EFCAB13: variants seen among roughly 807,000 people sequenced by gnomAD.
The protein encoded by EFCAB13 is EF-hand calcium-binding domain-containing protein 13.
A neutral mutation model predicts 110.2 loss-of-function variants in EFCAB13; 91 were observed. That is an observed-to-expected ratio of 0.83 (90% CI 0.70 to 0.98). The LOEUF (loss-of-function observed/expected upper bound fraction) is 0.98. EFCAB13 is among the 50% of genes least tolerant of loss of function. The probability of loss-of-function intolerance (pLI) is 0.00; values close to 1 mark genes in which losing one functional copy is unlikely to be tolerated. For missense variants in EFCAB13, 968 were observed against 1,119.4 expected (o/e 0.86, Z 1.93); for synonymous variants, 323 against 369.9 (o/e 0.87, Z 1.45).
intron 24 of EFCAB13, among the ~76,000 whole-genome samples, chr17:47,437,519 C>A (rs1598771279): frequency 6.6e-6 from 1 of 152,242 alleles, no homozygotes; most frequent in East Asian, 1.9e-4. Flanking sequence ...TAATGTCCTT[C>A]TTTGTCTCTT....
intron 19 of EFCAB13, 137 bp from the exon 20 acceptor site, chr17:47,404,425 G>T: frequency 1.6e-6 from 1 of 636,936 alleles, no homozygotes; most frequent in Non-Finnish European, 2.6e-6. Flanking sequence ...AGGCTTAATG[G>T]ATGAAAATGA....
chr17:47,378,011 A>ATG (rs2065625884), intron 13 of EFCAB13, 108 bp downstream of exon 13: 1 of 1,043,750 alleles, frequency 9.6e-7, no homozygotes, highest in African/African-American at 1.7e-5. Context: ...ATGGGACAGA[A>ATG]TGGGTCATTC....
chr17:47,390,275 AACAATATTCACAC>A (rs1041235224), intron 14 of EFCAB13, among the ~76,000 whole-genome samples: 1 of 152,116 alleles, frequency 6.6e-6, no homozygotes, highest in Non-Finnish European at 1.5e-5. Flanking sequence ...AATATACACA[AACAATATTCACAC>A]ACAATATACA....
chr17:47,435,926 A>G (rs9900366), intron 24 of EFCAB13, among the ~76,000 whole-genome samples: 78,572 of 151,880 alleles, frequency 0.52, 20,820 homozygotes, highest in Middle Eastern at 0.56. Flanking sequence ...TGGGTTTGTC[A>G]TAGATGGCTT....
chr17:47,398,815 C>T (rs941158136), intron 17 of EFCAB13, among the ~76,000 whole-genome samples: 1 of 151,276 alleles, frequency 6.6e-6, no homozygotes, highest in Non-Finnish European at 1.5e-5. Flanking sequence ...CGTGCCAAAT[C>T]CCCCTCTGCG....
intron 24 of EFCAB13, among the ~76,000 whole-genome samples, chr17:47,433,357 G>A (rs565760084): frequency 4.6e-5 from 7 of 151,970 alleles, no homozygotes; most frequent in East Asian, 3.9e-4. Flanking sequence ...TTTTTTCGTC[G>A]TAAAGTTACT....
chr17:47,357,482 C>T (rs2065487527), intron 9 of EFCAB13, among the ~76,000 whole-genome samples: 2 of 152,196 alleles, frequency 1.3e-5, no homozygotes, highest in South Asian at 4.1e-4. Flanking sequence ...ATGGCGCGAT[C>T]TCGCTCACTG....
intron 6 of EFCAB13, 28 bp downstream of exon 6, chr17:47,342,060 T>C (rs1409275285): frequency 3.0e-6 from 4 of 1,334,722 alleles, no homozygotes; most frequent in Non-Finnish European, 4.2e-6. Context: ...AATTTTTCTT[T>C]TACCTTCAAA....
chr17:47,329,597 AAT>A (rs1410638040), intron 4 of EFCAB13, among the ~76,000 whole-genome samples: 10 of 152,172 alleles, frequency 6.6e-5, no homozygotes, highest in African/African-American at 9.7e-5. Flanking sequence ...CTTAAAAATT[AAT>A]ATTAAAGTAT....
chr17:47,342,167 T>G, intron 6 of EFCAB13, 135 bp downstream of exon 6: 3 of 534,190 alleles, frequency 5.6e-6, no homozygotes, highest in African/African-American at 2.0e-5. Context: ...GCTTCTCCTC[T>G]TCTGTTCTTA....
chr17:47,401,640 CTTTTTTTTT>C (rs763737651), intron 17 of EFCAB13, among the ~76,000 whole-genome samples: 1 of 84,524 alleles, frequency 1.2e-5, no homozygotes, highest in African/African-American at 4.8e-5. Context: ...CTCAGCCTGA[CTTTTTTTTT>C]TTTTTTTTTT....
chr17:47,432,779 A>G (rs1905142929), intron 24 of EFCAB13, among the ~76,000 whole-genome samples: 1 of 151,852 alleles, frequency 6.6e-6, no homozygotes, highest in Non-Finnish European at 1.5e-5. Context: ...TATATTTTAG[A>G]TGTATCTCAT....
chr17:47,420,598 C>T (rs1456322256), intron 23 of EFCAB13, among the ~76,000 whole-genome samples: 4 of 152,174 alleles, frequency 2.6e-5, no homozygotes, highest in Admixed American at 6.5e-5. Flanking sequence ...TCTGCCCCGC[C>T]GCCCCATCTG....
At position 47,404,003 on chromosome 17, in the gene EFCAB13, C is replaced by T. The variant is rs773799115; in HGVS notation, c.2143C>T (p.Gln715Ter). Residue 715 changes from glutamine to a stop codon, truncating the protein, a stop_gained, in exon 19 of 25, where the codon CAA becomes TAA. Transcript: ENST00000331493. LOFTEE classifies it high-confidence loss of function. Reference protein sequence around the residue: ...SPKEEVEKILQSDFVSEDNMV... With the variant: ...SPKEEVEKIL ...TAAAGAAGAGGTAGAGAAAATTCTT[C>T]AATCAGATTTTGTTTCTGGTAAGCA... 3.8e-6 allele frequency: 6 copies of T among 1,591,094 alleles called. No homozygotes were observed. The South Asian group carries it at 7.0e-5, about 18-fold the overall frequency.
intron 9 of EFCAB13, among the ~76,000 whole-genome samples, 198 bp from the exon 10 acceptor site, chr17:47,361,180 C>G (rs184977052): frequency 6.6e-6 from 1 of 152,150 alleles, no homozygotes; most frequent in African/African-American, 2.4e-5. Flanking sequence ...TATGAAATTC[C>G]TATGGAGAAA....
chr17:47,331,191 T>C (rs530924500), intron 4 of EFCAB13, among the ~76,000 whole-genome samples: 2 of 152,210 alleles, frequency 1.3e-5, no homozygotes, highest in East Asian at 1.9e-4. Flanking sequence ...GGATGTATAG[T>C]TTGCAAATAT....
At chr17:47,361,325 CT>C in intron 9 of EFCAB13, 52 bp from the exon 10 acceptor site, 6 of 1,582,786 alleles carry the variant, frequency 3.8e-6, no homozygotes, top group Non-Finnish European at 5.2e-6. Context: ...AAATCAACTG[CT>C]TTTCCAAGAA....
intron 21 of EFCAB13, among the ~76,000 whole-genome samples, chr17:47,411,964 A>G (rs1432230435): frequency 6.6e-6 from 1 of 152,122 alleles, no homozygotes; most frequent in Non-Finnish European, 1.5e-5. Context: ...GTATGGTGGC[A>G]CATGCCTGTA....
chr17:47,333,305 T>C (rs2065330700), intron 4 of EFCAB13, among the ~76,000 whole-genome samples: 1 of 152,218 alleles, frequency 6.6e-6, no homozygotes, highest in Admixed American at 6.5e-5. Flanking sequence ...TTGCTTGAGT[T>C]GAGTTCCTTA....
Sources: gnomAD v4.1 joint callset for allele counts (sites outside exome capture counted in the v4.1 genomes callset) on GRCh38, gnomAD v4.1.1 for gene constraint, MANE v1.5 for transcripts, NCBI Gene and HGNC (gene_info 2026-07-23, HGNC 2026-07-21) for gene names.